The following PLCL1 variants were observed in gnomAD, a reference collection of about 807,000 sequenced individuals.
PLCL1 encodes inactive phospholipase C-like protein 1.
A neutral mutation model predicts 84.4 loss-of-function variants in PLCL1; 41 were observed. That is an observed-to-expected ratio of 0.49 (90% CI 0.38 to 0.63). PLCL1 has a LOEUF of 0.63. Ranked by LOEUF, PLCL1 falls within the 30% of genes least tolerant of loss-of-function variation. The pLI is 0.00. For synonymous variants in PLCL1, 490 were observed against 488.3 expected (o/e 1.00, Z -0.05); for missense variants, 1,206 against 1,367.8 (o/e 0.88, Z 1.87).
intron 1 of PLCL1, among the ~76,000 whole-genome samples, chr2:197,920,146 C>T (rs984696355): frequency 3.9e-5 from 6 of 152,014 alleles, no homozygotes; most frequent in Non-Finnish European, 5.9e-5. Context: ...TATCAGTGGT[C>T]CGTCAAATTA....
chr2:197,808,919 TG>T (rs1330656031), intron 1 of PLCL1, among the ~76,000 whole-genome samples: 5 of 152,206 alleles, frequency 3.3e-5, no homozygotes, highest in African/African-American at 4.8e-5. Flanking sequence ...TTGGATCTCA[TG>T]GACATGGGTG....
chr2:197,854,952 T>G (rs1220107030), intron 1 of PLCL1, among the ~76,000 whole-genome samples: 1 of 152,226 alleles, frequency 6.6e-6, no homozygotes, highest in Non-Finnish European at 1.5e-5. Flanking sequence ...TTTTTACAGC[T>G]TGTCCTGTGG....
chr2:197,876,977 C>T (rs1025536556), intron 1 of PLCL1, among the ~76,000 whole-genome samples: 1 of 152,084 alleles, frequency 6.6e-6, no homozygotes, highest in Non-Finnish European at 1.5e-5. Context: ...TCAAGGTTGA[C>T]ATTTTTGTTT....
At chr2:198,053,634 C>T (rs1481863133) in intron 1 of PLCL1, among the ~76,000 whole-genome samples, 2 of 152,202 alleles carry the variant, frequency 1.3e-5, no homozygotes, top group African/African-American at 2.4e-5. Context: ...CTATTTCCCT[C>T]ATTGGACCCT....
chr2:198,106,144 G>A (rs1364743459), intron 5 of PLCL1, among the ~76,000 whole-genome samples: 1 of 151,946 alleles, frequency 6.6e-6, no homozygotes. Flanking sequence ...GGCATTGGAA[G>A]TCTGTGTATA....
chr2:197,961,007 C>G (rs989520844), intron 1 of PLCL1, among the ~76,000 whole-genome samples: 33 of 151,950 alleles, frequency 2.2e-4, no homozygotes, highest in African/African-American at 7.7e-4. Context: ...GGAATGTTTC[C>G]AAATTTTATT....
chr2:197,996,439 G>A (rs1690466641), intron 1 of PLCL1, among the ~76,000 whole-genome samples: 1 of 152,100 alleles, frequency 6.6e-6, no homozygotes, highest in African/African-American at 2.4e-5. Context: ...GTAAACTTTG[G>A]AATTTAGTTA....
intron 1 of PLCL1, among the ~76,000 whole-genome samples, chr2:197,819,106 TGAG>T (rs1690752912): frequency 6.6e-6 from 1 of 152,068 alleles, no homozygotes; most frequent in African/African-American, 2.4e-5. Flanking sequence ...AGTGTTAATT[TGAG>T]GAGTAGAGAA....
At chr2:198,087,916 C>G (rs1005429766) in intron 2 of PLCL1, among the ~76,000 whole-genome samples, 1 of 152,126 alleles carries the variant, frequency 6.6e-6, no homozygotes, top group African/African-American at 2.4e-5. Flanking sequence ...AAACCCACGG[C>G]ACAGTTAAAT....
At chr2:197,950,274 C>T (rs1222580273) in intron 1 of PLCL1, among the ~76,000 whole-genome samples, 3 of 152,100 alleles carry the variant, frequency 2.0e-5, no homozygotes, top group African/African-American at 7.2e-5. Context: ...GGATCTTGTT[C>T]TCCTTCTCTT....
At chr2:198,065,209 G>T (rs997428540) in intron 1 of PLCL1, among the ~76,000 whole-genome samples, 3 of 152,000 alleles carry the variant, frequency 2.0e-5, no homozygotes, top group African/African-American at 4.8e-5. Flanking sequence ...TTTCTGGATT[G>T]GTTTAGTTGC....
At chr2:197,881,803 C>G (rs77722976) in intron 1 of PLCL1, among the ~76,000 whole-genome samples, 8,437 of 152,130 alleles carry the variant, frequency 0.055, 328 homozygotes, top group Middle Eastern at 0.1. Flanking sequence ...TAATATGAAC[C>G]TGCAAGCATT....
chr2:197,917,270 T>C (rs1032913581), intron 1 of PLCL1, among the ~76,000 whole-genome samples: 7 of 152,198 alleles, frequency 4.6e-5, no homozygotes, highest in African/African-American at 1.7e-4. Context: ...TAATAGGTGA[T>C]TAGATAAATT....
At chr2:197,923,725 G>A (rs1461451779) in intron 1 of PLCL1, among the ~76,000 whole-genome samples, 1 of 152,076 alleles carries the variant, frequency 6.6e-6, no homozygotes, top group Non-Finnish European at 1.5e-5. Context: ...GGGCGGCCAG[G>A]CAGAGATGCT....
At chr2:197,810,056 C>T (rs968412173) in intron 1 of PLCL1, among the ~76,000 whole-genome samples, 29 of 152,096 alleles carry the variant, frequency 1.9e-4, no homozygotes, top group Non-Finnish European at 4.4e-5. Context: ...CCAGCCTTTA[C>T]TTTACCGTAA....
chr2:197,985,680 C>G (rs983102613), intron 1 of PLCL1, among the ~76,000 whole-genome samples: 3 of 152,156 alleles, frequency 2.0e-5, no homozygotes, highest in Admixed American at 2.0e-4. Flanking sequence ...TCTGTGTTTG[C>G]TTTCATGCTA....
Position 197,805,039 on chromosome 2 carries a change from C to A in PLCL1, c.-61C>A. On this transcript the variant is annotated 5_prime_UTR_variant, in exon 1 of 6. Coordinates refer to ENST00000428675, the MANE Select transcript of PLCL1 (RefSeq NM_006226.4). This position sits in a 1 kb window ranked among gnomAD's most constrained non-coding sequence, Gnocchi z 4.0. ...GGTGCAGGAGCGCACCGGTGCCTAG[C>A]GGCTGGACTCCGCTGCCGGGCGTCC... The A allele has an allele frequency of 3.5e-6, 5 of 1,412,880 alleles. No individual in the cohort carries two copies. Among genetic ancestry groups the A allele is most frequent in the Non-Finnish European group, 3.7e-6 (4 of 1,088,120 alleles). 87.5% of individuals were successfully genotyped at this position (1,412,880 alleles called of 1,614,324 possible). A position where few individuals can be genotyped will look rare whatever the true frequency, so the allele number is the denominator to read the frequency against.
At chr2:197,807,200 C>A (rs1690503625) in intron 1 of PLCL1, among the ~76,000 whole-genome samples, 1 of 152,136 alleles carries the variant, frequency 6.6e-6, no homozygotes, top group Admixed American at 6.5e-5. Flanking sequence ...GAAGGAAAGA[C>A]CCTCAGACAC....
intron 1 of PLCL1, among the ~76,000 whole-genome samples, chr2:198,009,751 T>C (rs1335157435): frequency 1.3e-5 from 2 of 152,050 alleles, no homozygotes; most frequent in Non-Finnish European, 2.9e-5. Context: ...TTGCATTGTA[T>C]CTGTAGGTTG....
Sources: allele counts gnomAD v4.1 joint callset (sites outside exome capture counted in the v4.1 genomes callset), GRCh38; gene constraint gnomAD v4.1.1; non-coding constraint Gnocchi (gnomAD v3.1); transcripts MANE v1.5; gene names NCBI Gene and HGNC (gene_info 2026-07-23, HGNC 2026-07-21).